GAS7: variants seen among roughly 807,000 people sequenced by gnomAD.
GAS7 encodes growth arrest specific 7.
GAS7 carries 28 observed loss-of-function variants against 71.1 expected under a neutral mutation model. That is an observed-to-expected ratio of 0.39 (90% CI 0.29 to 0.54). The LOEUF is 0.54. Ranked by LOEUF, GAS7 falls within the 20% of genes least tolerant of loss-of-function variation. The pLI is 0.62. For missense variants in GAS7, 436 were observed against 627.8 expected, an observed-to-expected ratio of 0.69 and a Z score of 3.27; for synonymous variants, 258 against 245.8, an observed-to-expected ratio of 1.05 and a Z score of -0.46.
intron 1 of GAS7, among the ~76,000 whole-genome samples, chr17:10,047,237 G>C (rs2072989997): frequency 1.3e-5 from 2 of 152,174 alleles, no homozygotes; most frequent in African/African-American, 4.8e-5. Flanking sequence ...CTGGCTGCAG[G>C]GCATTGAGAA....
intron 1 of GAS7, among the ~76,000 whole-genome samples, chr17:10,164,138 C>G (rs1405969170): frequency 6.6e-6 from 1 of 152,054 alleles, no homozygotes; most frequent in Non-Finnish European, 1.5e-5. Context: ...CACTGTGCAG[C>G]CAGGATTAGG....
At chr17:10,048,799 A>G (rs201373718) in intron 1 of GAS7, among the ~76,000 whole-genome samples, 1 of 152,226 alleles carries the variant, frequency 6.6e-6, no homozygotes, top group African/African-American at 2.4e-5. Flanking sequence ...GGAAGACAAC[A>G]CAGCCATGGG....
chr17:10,007,391 G>A (rs939256975), intron 2 of GAS7, among the ~76,000 whole-genome samples: 4 of 152,040 alleles, frequency 2.6e-5, no homozygotes, highest in African/African-American at 9.7e-5. Flanking sequence ...TTGAGAGGGT[G>A]AGGCTGGTGG....
chr17:9,959,206 A>G lies in GAS7; in HGVS notation c.521T>C (p.Ile174Thr), dbSNP rs2069376143. Residue 174 changes from isoleucine to threonine, a missense_variant, in exon 5 of 14, where the codon ATC (isoleucine) becomes ACC (threonine). By Grantham distance (89) the Ile-to-Thr change is moderately conservative (BLOSUM62 -1). Transcript: ENST00000432992. This position sits in a 1 kb window ranked among gnomAD's most constrained non-coding sequence, Gnocchi z 5.0. ...PSKKQSKENT[I>T]TINCVTFPHP... ...CGCCCCTCGGGAGCCACTTACTGTG[A>G]TGGTGTTTTCCTTGCTCTGCTTTTT... The G allele has an allele frequency of 1.9e-6, 3 of 1,614,026 alleles. No individual in the cohort carries two copies. Among genetic ancestry groups the G allele is most frequent in the Non-Finnish European group, 2.5e-6 (3 of 1,179,980 alleles).
At chr17:10,012,011 G>A (rs1271112469) in intron 2 of GAS7, among the ~76,000 whole-genome samples, 1 of 150,900 alleles carries the variant, frequency 6.6e-6, no homozygotes, top group East Asian at 1.9e-4. Flanking sequence ...ATCTCAAATG[G>A]TACTCTTTGT....
intron 1 of GAS7, among the ~76,000 whole-genome samples, chr17:10,029,754 A>G (rs968009484): frequency 6.6e-6 from 1 of 152,128 alleles, no homozygotes; most frequent in Non-Finnish European, 1.5e-5. Flanking sequence ...AGGGAGGCTG[A>G]GACAGGAGAA....
Position 9,917,144 on chromosome 17 carries a change from G to C in GAS7, c.*84C>G. On this transcript the variant is annotated 3_prime_UTR_variant, in exon 14 of 14. Transcript: ENST00000432992. ...TCCTCAGTGGCCCAGGAGAGAGGGTGGGGGGCATCCACTCGGCATGGGCCC... is the reference window on the plus strand; with the variant it reads ...TCCTCAGTGGCCCAGGAGAGAGGGTCGGGGGCATCCACTCGGCATGGGCCC... 3.5e-6 allele frequency: 3 copies of C among 860,752 alleles called. No homozygotes were observed. Among genetic ancestry groups the C allele is most frequent in the South Asian group, 1.3e-5 (1 of 75,516 alleles). 53.3% of individuals were successfully genotyped at this position (860,752 alleles called of 1,614,324 possible). A position where few individuals can be genotyped will look rare whatever the true frequency, so the allele number is the denominator to read the frequency against.
chr17:10,137,124 A>AAAG (rs1555536299), intron 1 of GAS7, among the ~76,000 whole-genome samples: 1 of 150,410 alleles, frequency 6.6e-6, no homozygotes, highest in African/African-American at 2.4e-5. Context: ...AAAAGAAAAA[A>AAAG]AGAGAGAGAG....
chr17:9,989,446 C>G (rs1346396410), intron 2 of GAS7, among the ~76,000 whole-genome samples: 1 of 152,186 alleles, frequency 6.6e-6, no homozygotes, highest in African/African-American at 2.4e-5. Context: ...CCTCCTTCAG[C>G]TTAAATTCTA....
chr17:10,163,839 C>T (rs980239634), intron 1 of GAS7, among the ~76,000 whole-genome samples: 1 of 152,180 alleles, frequency 6.6e-6, no homozygotes, highest in Non-Finnish European at 1.5e-5. Context: ...GTCAGTTACT[C>T]CAGTCCTCAC....
chr17:10,073,644 G>A (rs1008263941), intron 1 of GAS7, among the ~76,000 whole-genome samples: 3 of 152,164 alleles, frequency 2.0e-5, no homozygotes, highest in East Asian at 1.9e-4. Flanking sequence ...GCACATTAAC[G>A]TTTGAGCAGC....
At chr17:9,936,459 G>A (rs2068405658) in intron 8 of GAS7, among the ~76,000 whole-genome samples, 1 of 152,142 alleles carries the variant, frequency 6.6e-6, no homozygotes, top group African/African-American at 2.4e-5. Context: ...CAACTGGGAT[G>A]AAAGGAAGAA....
chr17:10,048,651 C>G (rs2073016521), intron 1 of GAS7, among the ~76,000 whole-genome samples: 1 of 151,980 alleles, frequency 6.6e-6, no homozygotes, highest in Non-Finnish European at 1.5e-5. Context: ...AATTTTTACC[C>G]AAAACTTTGT....
rs1292550412 is a variant in GAS7 at position 10,080,840 on chromosome 17, C to A, written c.184-60943G>T. 2.0e-5 allele frequency among the ~76,000 whole-genome samples: 3 copies of A among 152,208 alleles called. No individual in the cohort carries two copies. The East Asian group carries it at 5.8e-4, about 29-fold the overall frequency. On this transcript the variant is annotated intron_variant, in intron 1 of 13. Coordinates refer to ENST00000432992, the MANE Select transcript of GAS7 (RefSeq NM_201433.2). ...CTTATTCCATCAGATAGTAAAACTT[C>A]TTGCAAAGTTACAATTAAAATAGTG...
intron 1 of GAS7, among the ~76,000 whole-genome samples, chr17:10,113,571 G>A (rs1036442504): frequency 5.9e-5 from 9 of 152,198 alleles, no homozygotes; most frequent in African/African-American, 2.2e-4. Flanking sequence ...CAGAAGTATA[G>A]AGGGGATACC....
intron 1 of GAS7, among the ~76,000 whole-genome samples, chr17:10,131,608 C>T (rs138861190): frequency 2.0e-5 from 3 of 152,250 alleles, no homozygotes; most frequent in Non-Finnish European, 4.4e-5. Context: ...GACAACAGAG[C>T]GAGACTCTGT....
intron 2 of GAS7, among the ~76,000 whole-genome samples, chr17:10,009,663 C>A (rs1195420224): frequency 1.4e-5 from 2 of 141,954 alleles, no homozygotes; most frequent in African/African-American, 5.4e-5. Flanking sequence ...TATAGCAAGA[C>A]CCCTTCTCAA....
intron 1 of GAS7, among the ~76,000 whole-genome samples, chr17:10,094,387 C>A (rs952734794): frequency 6.6e-6 from 1 of 152,202 alleles, no homozygotes; most frequent in African/African-American, 2.4e-5. Context: ...GGTCATAAGG[C>A]CAGAGCTCCA....
chr17:10,106,423 A>C (rs1170746873), intron 1 of GAS7, among the ~76,000 whole-genome samples: 1 of 152,228 alleles, frequency 6.6e-6, no homozygotes, highest in African/African-American at 2.4e-5. Flanking sequence ...CATGTCTAAA[A>C]TTCAACAGTC....
Sources: allele counts gnomAD v4.1 joint callset (sites outside exome capture counted in the v4.1 genomes callset), GRCh38; gene constraint gnomAD v4.1.1; non-coding constraint Gnocchi (gnomAD v3.1); transcripts MANE v1.5; gene names NCBI Gene and HGNC (gene_info 2026-07-23, HGNC 2026-07-21).